The following SYT16 variants were observed in gnomAD, a reference collection of about 807,000 sequenced individuals.
SYT16 encodes synaptotagmin 16.
In SYT16, 42 loss-of-function variants were observed where a neutral mutation model predicts 61.4. The observed-to-expected ratio is 0.68, with a 90% CI of 0.53 to 0.89. The LOEUF (loss-of-function observed/expected upper bound fraction) is 0.89, where lower values mean the gene tolerates loss of function less well. Ranked by LOEUF, SYT16 falls within the 40% of genes least tolerant of loss-of-function variation. SYT16 has a pLI of 0.00. For missense variants in SYT16, 804 were observed against 807.3 expected, an observed-to-expected ratio of 1.00 and a Z score of 0.05; for synonymous variants, 314 against 302.3, an observed-to-expected ratio of 1.04 and a Z score of -0.40.
At chr14:61,850,276 A>G (rs572840371) in intron 1 of SYT16, among the ~76,000 whole-genome samples, 96 of 152,032 alleles carry the variant, frequency 6.3e-4, no homozygotes, top group African/African-American at 2.3e-3. Context: ...CTGGGATTAC[A>G]GGCACCTGCC....
chr14:62,069,773 T>C lies in SYT16; in HGVS notation c.694T>C (p.Leu232=), dbSNP rs1473704922. Reference sequence around the variant, plus strand: ...GAAACCAAAATTCAGCCGTTCGTTGTTGACACACGGAGAAGATGGCACAGA... The same window carrying C: ...GAAACCAAAATTCAGCCGTTCGTTGCTGACACACGGAGAAGATGGCACAGA... ...EQKPKFSRSL[L]THGEDGTEVS... Residue 232 remains leucine, a synonymous_variant, in exon 4 of 8, where the codon TTG becomes CTG. Coordinates refer to ENST00000683842, the MANE Select transcript of SYT16 (RefSeq NM_001367656.1). 6.2e-7 allele frequency: 1 copy of C among 1,614,028 alleles called. No homozygotes were observed. Among genetic ancestry groups the C allele is most frequent in the South Asian group, 1.1e-5 (1 of 91,082 alleles).
At chr14:62,065,233 A>G (rs572884299) in intron 3 of SYT16, among the ~76,000 whole-genome samples, 59 of 152,316 alleles carry the variant, frequency 3.9e-4, no homozygotes, top group African/African-American at 1.3e-3. Flanking sequence ...GATGATATGC[A>G]GAGTGGTTAG....
chr14:62,031,068 A>G (rs1483409533), intron 3 of SYT16, among the ~76,000 whole-genome samples: 4 of 152,200 alleles, frequency 2.6e-5, no homozygotes, highest in African/African-American at 7.2e-5. Context: ...CACATAAGCT[A>G]TACGACATAG....
chr14:61,879,841 C>T (rs1310181531), intron 1 of SYT16, among the ~76,000 whole-genome samples: 2 of 152,222 alleles, frequency 1.3e-5, no homozygotes, highest in Non-Finnish European at 2.9e-5. Flanking sequence ...CTTGACACTG[C>T]CTGGCAATCC....
chr14:61,864,801 A>G, intron 1 of SYT16: 1 of 951,068 alleles, frequency 1.1e-6, no homozygotes. Context: ...CAGCGCCTGG[A>G]GGGCTAAATC....
At chr14:61,896,867 A>G (rs2048343164) in intron 1 of SYT16, among the ~76,000 whole-genome samples, 1 of 152,228 alleles carries the variant, frequency 6.6e-6, no homozygotes, top group Non-Finnish European at 1.5e-5. Context: ...CTCAAAAAGA[A>G]ATGGTTAATA....
intron 1 of SYT16, among the ~76,000 whole-genome samples, chr14:61,880,365 C>G (rs748514070): frequency 6.6e-6 from 1 of 152,214 alleles, no homozygotes; most frequent in East Asian, 1.9e-4. Flanking sequence ...AGTTGCTTTA[C>G]AGGTGGTTAT....
In SYT16 at chr14:62,104,407, A is replaced by G. The variant is rs1280485762; in HGVS notation, c.*3700A>G. 3 of 152,228 alleles carry G rather than the reference A, an allele frequency of 2.0e-5. No individual in the cohort carries two copies. The highest frequency in any genetic ancestry group is 4.4e-5 in the Non-Finnish European group (3 of 68,032). The allele number at this position is 152,228 out of a possible 1,614,324, so 9.4% of individuals were successfully genotyped here. The stretch of plus-strand genomic sequence containing the variant: ...GATCTAAGAGCAAAGCAAATGATGG[A>G]TAATCCTGAAATGGTAAAAGTATTT... On this transcript the variant is annotated 3_prime_UTR_variant, in exon 8 of 8. Coordinates refer to ENST00000683842, the MANE Select transcript of SYT16 (RefSeq NM_001367656.1).
intron 2 of SYT16, among the ~76,000 whole-genome samples, chr14:61,979,806 C>T (rs1005776011): frequency 2.6e-5 from 4 of 151,998 alleles, no homozygotes; most frequent in African/African-American, 9.7e-5. Flanking sequence ...CACTTGAACC[C>T]GGGAGGGAGA....
intron 7 of SYT16, 73 bp from the exon 8 acceptor site, chr14:62,100,321 C>A: frequency 2.3e-6 from 3 of 1,312,284 alleles, no homozygotes; most frequent in Non-Finnish European, 2.1e-6. Flanking sequence ...ATAAATGTTA[C>A]AGCTAGTCTA....
rs1306350944 is a variant in SYT16, at chr14:62,107,971, G to A, written c.*7264G>A. ...AAGCTCTGTGTTTTAATAGTCAAAGGCATTGCTACCCTTTGCTTTTTGAAA... is the reference window on the plus strand; with the variant it reads ...AAGCTCTGTGTTTTAATAGTCAAAGACATTGCTACCCTTTGCTTTTTGAAA... On this transcript the variant is annotated 3_prime_UTR_variant, in exon 8 of 8. Coordinates refer to ENST00000683842, the MANE Select transcript of SYT16 (RefSeq NM_001367656.1). 6.6e-6 allele frequency: 1 copy of A among 152,144 alleles called. No individual in the cohort carries two copies. The highest frequency in any genetic ancestry group is 2.4e-5 in the African/African-American group (1 of 41,428). The allele number at this position is 152,144 out of a possible 1,614,324, so 9.4% of individuals were successfully genotyped here. A position where few individuals can be genotyped will look rare whatever the true frequency, so the allele number is the denominator to read the frequency against.
At chr14:61,932,991 G>A (rs1396686585) in intron 1 of SYT16, among the ~76,000 whole-genome samples, 1 of 152,214 alleles carries the variant, frequency 6.6e-6, no homozygotes, top group Non-Finnish European at 1.5e-5. Flanking sequence ...ATATACAAAA[G>A]CATTAATAAG....
intron 1 of SYT16, among the ~76,000 whole-genome samples, chr14:61,866,957 A>AT (rs368063351): frequency 0.025 from 3,643 of 146,216 alleles, 86 homozygotes; most frequent in African/African-American, 0.056. Flanking sequence ...GTCTAGGCTC[A>AT]TTTTTTTTTT....
intron 7 of SYT16, among the ~76,000 whole-genome samples, chr14:62,087,629 GT>G (rs1161994484): frequency 6.6e-6 from 1 of 152,198 alleles, no homozygotes. Flanking sequence ...GGATTTAGAA[GT>G]GAGAATCTTT....
intron 2 of SYT16, among the ~76,000 whole-genome samples, chr14:61,974,067 G>C (rs1274107127): frequency 6.6e-6 from 1 of 152,164 alleles, no homozygotes; most frequent in Non-Finnish European, 1.5e-5. Context: ...GGGGGGCTGT[G>C]GTGGGGCAAA....
chr14:61,936,941 C>T (rs139386752), intron 1 of SYT16, among the ~76,000 whole-genome samples: 3 of 152,340 alleles, frequency 2.0e-5, no homozygotes, highest in Non-Finnish European at 4.4e-5. Flanking sequence ...TTTGTGAAAT[C>T]TGAACAAATT....
intron 1 of SYT16, among the ~76,000 whole-genome samples, chr14:61,836,582 G>A (rs1310327225): frequency 2.6e-5 from 4 of 152,030 alleles, no homozygotes; most frequent in Admixed American, 6.6e-5. Context: ...CCATTGATTT[G>A]CTTTTTTCTC....
intron 3 of SYT16, among the ~76,000 whole-genome samples, chr14:62,011,868 T>C (rs1262276364): frequency 8.0e-5 from 5 of 62,140 alleles, no homozygotes; most frequent in African/African-American, 2.2e-4. Flanking sequence ...CAGGGAACAC[T>C]ATATATACAC....
At chr14:61,846,574 T>C (rs925670609) in intron 1 of SYT16, among the ~76,000 whole-genome samples, 45 of 152,182 alleles carry the variant, frequency 3.0e-4, no homozygotes, top group African/African-American at 9.6e-4. Flanking sequence ...GTGTTTCTTG[T>C]AGGCAACAGA....
Sources: allele counts gnomAD v4.1 joint callset (sites outside exome capture counted in the v4.1 genomes callset), GRCh38; gene constraint gnomAD v4.1.1; transcripts MANE v1.5; gene names NCBI Gene and HGNC (gene_info 2026-07-23, HGNC 2026-07-21).